PRDM4: variants seen among roughly 807,000 people sequenced by gnomAD.
PRDM4 encodes the protein PR domain zinc finger protein 4.
In PRDM4, 38 loss-of-function variants were observed where a neutral mutation model predicts 62.3. The observed-to-expected ratio is 0.61, with a 90% confidence interval of 0.47 to 0.80. The LOEUF (loss-of-function observed/expected upper bound fraction) is 0.80, where lower values mean the gene tolerates loss of function less well. Among genes scored for constraint, PRDM4 ranks in the 30% least tolerant of loss-of-function variants. PRDM4 has a pLI of 0.00. For missense variants in PRDM4, 858 were observed against 997.1 expected (o/e 0.86, Z 1.88); for synonymous variants, 339 against 348.2 (o/e 0.97, Z 0.30).
At chr12:107,739,622 A>G in intron 10 of PRDM4, 71 bp from the exon 11 acceptor site, 1 of 1,451,062 alleles carries the variant, frequency 6.9e-7, no homozygotes, top group Non-Finnish European at 9.4e-7. Context: ...ACAGGCACAC[A>G]TATGTGCATG....
chr12:107,734,213 T>C lies in PRDM4; in HGVS notation c.2403A>G (p.Lys801=), dbSNP rs1890254082. 3 of 1,577,994 alleles carry C rather than the reference T, an allele frequency of 1.9e-6. No individual in the cohort carries two copies. In the African/African-American group the frequency reaches 4.1e-5, roughly 22 times the overall value. Residue 801 remains lysine, a synonymous_variant, in exon 12 of 12, where the codon AAA becomes AAG. Coordinates refer to ENST00000228437, the MANE Select transcript of PRDM4 (RefSeq NM_012406.4). ...AAATTGCTTGTTTCTTTTCCTTTTA[T>C]TTATGTGCAGAAAGAGACTCATCCG... ...YSADESLSAH[K] is the part of the protein sequence containing the mutation.
At chr12:107,747,650 T>C (rs1303058960) in intron 5 of PRDM4, among the ~76,000 whole-genome samples, 1 of 152,206 alleles carries the variant, frequency 6.6e-6, no homozygotes, top group Admixed American at 6.5e-5. Context: ...TCCTCCTCCG[T>C]AAATCTTCTG....
intron 9 of PRDM4, among the ~76,000 whole-genome samples, chr12:107,741,610 T>G (rs1190624926): frequency 3.9e-5 from 6 of 152,058 alleles, no homozygotes; most frequent in African/African-American, 1.4e-4. Context: ...TCCTAGCTAA[T>G]CAGGAGACTG....
At position 107,752,022 on chromosome 12, in the gene PRDM4, ATG is replaced by A; in HGVS notation, c.517_518del (p.His173TrpfsTer9). ...CACTGGGATGAAGACTTTGGGCACC[ATG>A]TGTGTTCACAGAGCGAGAGTCTATT... The part of the protein sequence containing the change: ...VSIDSRSVNT[H>X]GAQSLHPSDG... On this transcript the variant is annotated frameshift_variant, in exon 5 of 12. Transcript: ENST00000228437. LOFTEE classifies it high-confidence loss of function. 6.2e-7 allele frequency: 1 copy of A among 1,614,190 alleles called. No homozygotes were observed.
At chr12:107,752,577 C>A (rs1890928952) in intron 4 of PRDM4, among the ~76,000 whole-genome samples, 1 of 151,890 alleles carries the variant, frequency 6.6e-6, no homozygotes, top group Non-Finnish European at 1.5e-5. Context: ...AAAAATAAAA[C>A]TTAATTAAAT....
rs1304649352 is a variant in PRDM4 at position 107,733,616 on chromosome 12, G to A, written c.*594C>T. The A allele has an allele frequency of 6.6e-6, 1 of 152,482 alleles. No individual in the cohort carries two copies. The highest frequency in any genetic ancestry group is 2.4e-5 in the African/African-American group (1 of 41,452). The allele number at this position is 152,482 out of a possible 1,614,324, so 9.4% of individuals were successfully genotyped here. On this transcript the variant is annotated 3_prime_UTR_variant, in exon 12 of 12. Coordinates refer to ENST00000228437, the MANE Select transcript of PRDM4 (RefSeq NM_012406.4). Reference sequence around the variant, plus strand: ...CTGCTGCTTTTTTATTTGCCCTCCAGGCACCTGCCGAAACTTTGGAAAACA... The same window carrying A: ...CTGCTGCTTTTTTATTTGCCCTCCAAGCACCTGCCGAAACTTTGGAAAACA...
At position 107,733,907 on chromosome 12, in the gene PRDM4, G is replaced by C. The variant is rs1395335429; in HGVS notation, c.*303C>G. ...TAAATCTGATTTGTTTGAGCAGAAGGCAGCTTTGATTCAGGCATAAATGCA... is the reference window on the plus strand; with the variant it reads ...TAAATCTGATTTGTTTGAGCAGAAGCCAGCTTTGATTCAGGCATAAATGCA... On this transcript the variant is annotated 3_prime_UTR_variant, in exon 12 of 12. Coordinates refer to ENST00000228437, the MANE Select transcript of PRDM4 (RefSeq NM_012406.4). 3.4e-6 allele frequency: 1 copy of C among 295,352 alleles called. No homozygotes were observed. The highest frequency in any genetic ancestry group is 6.2e-6 in the Non-Finnish European group (1 of 160,258). 18.3% of individuals were successfully genotyped at this position (295,352 alleles called of 1,614,324 possible).
chr12:107,757,081 G>T, intron 2 of PRDM4, 116 bp from the exon 3 acceptor site: 1 of 1,030,582 alleles, frequency 9.7e-7, no homozygotes, highest in Non-Finnish European at 1.4e-6. Flanking sequence ...CCAACTATTA[G>T]TTCACTTTTA....
intron 7 of PRDM4, 80 bp from the exon 8 acceptor site, chr12:107,743,362 C>T: frequency 1.0e-6 from 1 of 989,630 alleles, no homozygotes; most frequent in South Asian, 1.3e-5. Flanking sequence ...CCAGCAATCA[C>T]CTCATTTACT....
intron 5 of PRDM4, among the ~76,000 whole-genome samples, chr12:107,750,205 T>C (rs564502106): frequency 6.6e-6 from 1 of 152,300 alleles, no homozygotes; most frequent in Non-Finnish European, 1.5e-5. Flanking sequence ...ATACTGTCTC[T>C]TGGTAGATCG....
At chr12:107,753,313 C>T (rs1303968290) in intron 4 of PRDM4, among the ~76,000 whole-genome samples, 3 of 151,506 alleles carry the variant, frequency 2.0e-5, no homozygotes, top group Admixed American at 2.0e-4. Flanking sequence ...GAGAGAATCA[C>T]TGGAGTCCAG....
At chr12:107,742,743 T>G (rs1890557920) in intron 8 of PRDM4, 1 of 236,706 alleles carries the variant, frequency 4.2e-6, no homozygotes, top group Non-Finnish European at 8.1e-6. Flanking sequence ...GTGGTAACTA[T>G]ATTGTTCCTT....
intron 2 of PRDM4, chr12:107,758,251 T>G (rs1370120502): frequency 2.1e-5 from 3 of 145,046 alleles, no homozygotes; most frequent in East Asian, 4.0e-4. Context: ...TTTTTTTTTT[T>G]TTTTTTTTTT....
intron 11 of PRDM4, chr12:107,738,482 C>A (rs1051507420): frequency 2.0e-5 from 3 of 152,316 alleles, no homozygotes; most frequent in Non-Finnish European, 4.4e-5. Flanking sequence ...ATAACGTTTT[C>A]AGTGAAGGTA....
At chr12:107,751,358 A>G in intron 5 of PRDM4, 57 bp downstream of exon 5, 5 of 1,501,156 alleles carry the variant, frequency 3.3e-6, no homozygotes. Context: ...TTAACTTGTT[A>G]GGGATGGTGG....
Position 107,734,322 on chromosome 12 carries a change from T to C in PRDM4, c.2294A>G (p.Glu765Gly), listed in dbSNP as rs757811918. The C allele has an allele frequency of 3.7e-6, 6 of 1,614,084 alleles. No homozygotes were observed. The African/African-American group carries it at 8.0e-5, about 22-fold the overall frequency. The change falls in exon 12 of 12, where the codon GAA (glutamate) becomes GGA (glycine). Residue 765 changes from glutamate (E) to glycine (G), a missense_variant. Glu to Gly is a moderately conservative substitution (Grantham distance 98). Coordinates refer to ENST00000228437, the MANE Select transcript of PRDM4 (RefSeq NM_012406.4). ...TTCCTCTTCTGAGTCATCCTCTTCT[T>C]CCTCCTCTGGTGCTGACGAACTGGA... Reference protein sequence around the residue: ...PTSSSSAPEEEEEDDSEEEDL... With the variant: ...PTSSSSAPEEGEEDDSEEEDL...
chr12:107,739,934 A>G (rs1890461649), intron 10 of PRDM4, among the ~76,000 whole-genome samples: 1 of 152,066 alleles, frequency 6.6e-6, no homozygotes, highest in South Asian at 2.1e-4. Flanking sequence ...TACAAGATAG[A>G]TTTTATAGTT....
rs144757953 is a variant in PRDM4, at chr12:107,754,035, T to C, written c.220A>G (p.Met74Val). The change falls in exon 4 of 12, where the codon ATG (methionine) becomes GTG (valine). Residue 74 changes from methionine (M) to valine (V), a missense_variant. Transcript: ENST00000228437. ...LPSALSLMLPMGIGDRGVMCG... is the reference protein window; with the variant it reads ...LPSALSLMLPVGIGDRGVMCG... The stretch of plus-strand genomic sequence containing the variant: ...ATCACCCCTCGATCCCCAATACCCA[T>C]TGGTAGCATTAAAGACAGAGCAGAA... 6.8e-5 allele frequency: 110 copies of C among 1,613,472 alleles called. No individual in the cohort carries two copies. Among genetic ancestry groups the C allele is most frequent in the African/African-American group, 1.3e-4 (10 of 74,892 alleles).
chr12:107,759,072 G>A (rs1049250451), intron 2 of PRDM4, among the ~76,000 whole-genome samples: 3 of 152,104 alleles, frequency 2.0e-5, no homozygotes, highest in Non-Finnish European at 4.4e-5. Context: ...ACTTGGAGAC[G>A]TCCCTAGGCA....
Sources: allele counts gnomAD v4.1 joint callset (sites outside exome capture counted in the v4.1 genomes callset), GRCh38; gene constraint gnomAD v4.1.1; transcripts MANE v1.5; gene names NCBI Gene and HGNC (gene_info 2026-07-23, HGNC 2026-07-21).